Variants in CAMK1D observed in about 807,000 individuals in gnomAD.
The protein encoded by CAMK1D is calcium/calmodulin-dependent protein kinase type 1D.
Under a neutral mutation model 47.7 loss-of-function variants are expected in CAMK1D, and 9 were observed. The ratio of observed to expected loss-of-function variants is 0.19; its 90% CI spans 0.11 to 0.33. The LOEUF is 0.33. Ranked by LOEUF, CAMK1D falls within the 10% of genes least tolerant of loss-of-function variation. The probability of loss-of-function intolerance (pLI) is 1.00; values close to 1 mark genes in which losing one functional copy is unlikely to be tolerated. For missense variants in CAMK1D, 291 were observed against 488.7 expected (o/e 0.60, Z 3.81); for synonymous variants, 184 against 184.9 (o/e 0.99, Z 0.04).
chr10:12,742,143 A>C (rs1413735661), intron 3 of CAMK1D, among the ~76,000 whole-genome samples: 3 of 152,104 alleles, frequency 2.0e-5, no homozygotes, highest in African/African-American at 7.2e-5. Context: ...TTTGAGGTGT[A>C]TATATATTTT....
chr10:12,553,109 T>A, intron 1 of CAMK1D, 116 bp from the exon 2 acceptor site: 1 of 1,551,486 alleles, frequency 6.4e-7, no homozygotes, highest in Non-Finnish European at 8.7e-7. Flanking sequence ...GTAACAGTAA[T>A]GCTTACAACT....
intron 2 of CAMK1D, among the ~76,000 whole-genome samples, chr10:12,589,633 C>A (rs963327780): frequency 6.6e-6 from 1 of 152,198 alleles, no homozygotes; most frequent in Non-Finnish European, 1.5e-5. Flanking sequence ...GAAAATGTCT[C>A]GTCTTCAGAA....
chr10:12,400,907 A>G (rs1839153880), intron 1 of CAMK1D, among the ~76,000 whole-genome samples: 1 of 149,966 alleles, frequency 6.7e-6, no homozygotes, highest in Non-Finnish European at 1.5e-5. Context: ...GCTTGAGCCC[A>G]GGAGCTCAAG....
At chr10:12,668,331 T>G (rs1032875739) in intron 3 of CAMK1D, among the ~76,000 whole-genome samples, 3 of 152,244 alleles carry the variant, frequency 2.0e-5, no homozygotes, top group Non-Finnish European at 4.4e-5. Context: ...TTTAAATGTG[T>G]GTTTTTTCAT....
intron 5 of CAMK1D, among the ~76,000 whole-genome samples, chr10:12,774,307 C>T (rs1173470108): frequency 6.6e-6 from 1 of 152,102 alleles, no homozygotes; most frequent in African/African-American, 2.4e-5. Context: ...AGGCAGCCCT[C>T]ACTAAGAGGG....
intron 6 of CAMK1D, among the ~76,000 whole-genome samples, chr10:12,794,919 T>C (rs1290273464): frequency 1.3e-5 from 2 of 152,220 alleles, no homozygotes; most frequent in Non-Finnish European, 2.9e-5. Flanking sequence ...AATTCATCTT[T>C]TCTCACCATA....
At chr10:12,504,784 C>G (rs769193336) in intron 1 of CAMK1D, among the ~76,000 whole-genome samples, 1 of 152,150 alleles carries the variant, frequency 6.6e-6, no homozygotes, top group Non-Finnish European at 1.5e-5. Flanking sequence ...AGGCCACTTT[C>G]TCTTACTACC....
At chr10:12,664,368 C>T (rs1181452146) in intron 2 of CAMK1D, among the ~76,000 whole-genome samples, 6 of 151,964 alleles carry the variant, frequency 3.9e-5, no homozygotes, top group Non-Finnish European at 7.4e-5. Context: ...TGCAACACTT[C>T]TCTGGAACGC....
chr10:12,831,311 G>A lies in CAMK1D; in HGVS notation c.*2424G>A, dbSNP rs545803666. The A allele has an allele frequency of 6.6e-6, 1 of 152,288 alleles. No individual in the cohort carries two copies. The highest frequency in any genetic ancestry group is 2.1e-4 in the South Asian group (1 of 4,818). The allele number at this position is 152,288 out of a possible 1,614,324, so 9.4% of individuals were successfully genotyped here. On this transcript the variant is annotated 3_prime_UTR_variant, in exon 11 of 11. Transcript: ENST00000619168. ...ACTAAGAAGTGTCTTGGAAACATTC[G>A]AGTTCATACAGTGCATGACAAAGTA...
chr10:12,620,905 C>T (rs575608441), intron 2 of CAMK1D, among the ~76,000 whole-genome samples: 18 of 152,264 alleles, frequency 1.2e-4, no homozygotes, highest in East Asian at 1.9e-4. Context: ...TCAACTTCTA[C>T]GTTAAACTCC....
At chr10:12,583,469 GT>G (rs1354700284) in intron 2 of CAMK1D, among the ~76,000 whole-genome samples, 1 of 152,158 alleles carries the variant, frequency 6.6e-6, no homozygotes, top group Non-Finnish European at 1.5e-5. Context: ...ATCAGACGTT[GT>G]CTGTCAAATG....
chr10:12,646,181 A>AT (rs1322691785), intron 2 of CAMK1D, among the ~76,000 whole-genome samples: 2 of 152,096 alleles, frequency 1.3e-5, no homozygotes, highest in Admixed American at 6.5e-5. Flanking sequence ...ATTTTAAAAG[A>AT]TTTTTCCCTA....
At chr10:12,792,603 C>G (rs1838024044) in intron 6 of CAMK1D, among the ~76,000 whole-genome samples, 2 of 152,226 alleles carry the variant, frequency 1.3e-5, no homozygotes, top group South Asian at 4.1e-4. Flanking sequence ...ACCACCACCA[C>G]ATTGGTTTTG....
chr10:12,370,828 G>A (rs1051034555), intron 1 of CAMK1D, among the ~76,000 whole-genome samples: 17 of 152,000 alleles, frequency 1.1e-4, no homozygotes, highest in African/African-American at 3.9e-4. Context: ...GGCTGGTCTC[G>A]AACTCCTGAC....
At chr10:12,759,198 A>T (rs1836379073) in intron 3 of CAMK1D, among the ~76,000 whole-genome samples, 1 of 152,102 alleles carries the variant, frequency 6.6e-6, no homozygotes, top group Non-Finnish European at 1.5e-5. Flanking sequence ...AAAATACAAA[A>T]ATTAGCCGGG....
chr10:12,550,972 G>A (rs991460879), intron 1 of CAMK1D, among the ~76,000 whole-genome samples: 1 of 152,236 alleles, frequency 6.6e-6, no homozygotes, highest in Non-Finnish European at 1.5e-5. Flanking sequence ...TTGTGACAGA[G>A]TGTGCATTGC....
intron 3 of CAMK1D, among the ~76,000 whole-genome samples, chr10:12,693,992 TATA>T (rs1313147300): frequency 2.7e-5 from 2 of 74,322 alleles, no homozygotes; most frequent in African/African-American, 1.0e-4. Context: ...TATATATACA[TATA>T]ATATATATAA....
intron 2 of CAMK1D, among the ~76,000 whole-genome samples, chr10:12,642,873 A>G (rs1055406343): frequency 1.3e-5 from 2 of 152,226 alleles, no homozygotes; most frequent in Non-Finnish European, 2.9e-5. Context: ...GATAAAATAT[A>G]TGTAAAAATG....
chr10:12,708,677 A>T lies in CAMK1D; in HGVS notation c.299+41867A>T, dbSNP rs147412186. On this transcript the variant is annotated intron_variant, in intron 3 of 10. Coordinates refer to ENST00000619168, the MANE Select transcript of CAMK1D (RefSeq NM_153498.4). ...CTTGAATTACAGATATTAACTCCCA[A>T]GACAGTATAAGCATCATGGCCTTTT... Among the ~76,000 whole-genome samples, 8 of 152,318 alleles carry T rather than the reference A, an allele frequency of 5.3e-5. No homozygotes were observed. The East Asian group carries it at 1.4e-3, about 26-fold the overall frequency.
Sources: allele counts gnomAD v4.1 joint callset (sites outside exome capture counted in the v4.1 genomes callset), GRCh38; gene constraint gnomAD v4.1.1; transcripts MANE v1.5; gene names NCBI Gene and HGNC (gene_info 2026-07-23, HGNC 2026-07-21).